The following MPRIP variants were observed in gnomAD, a reference collection of about 807,000 sequenced individuals.
The protein encoded by MPRIP is myosin phosphatase Rho interacting protein, also known as myosin phosphatase Rho-interacting protein.
A neutral mutation model predicts 234.9 loss-of-function variants in MPRIP; 59 were observed. The observed-to-expected ratio is 0.25, with a 90% CI of 0.20 to 0.31. The LOEUF is 0.31. Ranked by LOEUF, MPRIP falls within the 10% of genes least tolerant of loss-of-function variation. The pLI is 1.00. For synonymous variants in MPRIP, 1,144 were observed against 1,263.9 expected, an observed-to-expected ratio of 0.91 and a Z score of 2.01; for missense variants, 2,436 against 3,071.0, an observed-to-expected ratio of 0.79 and a Z score of 4.89.
At chr17:17,092,944 C>T (rs891051833) in intron 3 of MPRIP, among the ~76,000 whole-genome samples, 1 of 152,200 alleles carries the variant, frequency 6.6e-6, no homozygotes, top group Non-Finnish European at 1.5e-5. Flanking sequence ...ACTGTTTGTT[C>T]TGTCACTTAC....
Position 17,177,422 on chromosome 17 carries a change from CG to C in MPRIP, c.7120+13del. 1.2e-6 allele frequency: 2 copies of C among 1,610,844 alleles called. No individual in the cohort carries two copies. Among genetic ancestry groups the C allele is most frequent in the Non-Finnish European group, 1.7e-6 (2 of 1,177,954 alleles). ...ACGGTGTCCGGATATGGTGCGTCCT[CG>C]GGTCATGCCCTCTCGGTTATTGCTG... On this transcript the variant is annotated intron_variant, in intron 22 of 23. Transcript: ENST00000651222.
intron 20 of MPRIP, among the ~76,000 whole-genome samples, 155 bp downstream of exon 20, chr17:17,175,567 G>A (rs181552204): frequency 6.6e-6 from 1 of 152,226 alleles, no homozygotes; most frequent in Admixed American, 6.5e-5. Context: ...CCCGAAGGCG[G>A]CGAGGAGCAG....
rs1471994141 is a variant in MPRIP at position 17,190,987 on chromosome 17, C to G, written c.*6093C>G. 1.3e-5 allele frequency: 2 copies of G among 152,098 alleles called. No homozygotes were observed. The highest frequency in any genetic ancestry group is 4.1e-4 in the South Asian group (2 of 4,828). The allele number at this position is 152,098 out of a possible 1,614,324, so 9.4% of individuals were successfully genotyped here. A position where few individuals can be genotyped will look rare whatever the true frequency, so the allele number is the denominator to read the frequency against. On this transcript the variant is annotated 3_prime_UTR_variant, in exon 24 of 24. Coordinates refer to ENST00000651222, the MANE Select transcript of MPRIP (RefSeq NM_001364716.4). ...GGTTTTTAAAAAAATCTTAGACACCCCTTTTTAAGATGGGGAGAACAGGGT... is the reference window on the plus strand; with the variant it reads ...GGTTTTTAAAAAAATCTTAGACACCGCTTTTTAAGATGGGGAGAACAGGGT...
chr17:17,177,564 A>T, intron 22 of MPRIP, 152 bp downstream of exon 22: 1 of 824,682 alleles, frequency 1.2e-6, no homozygotes, highest in Non-Finnish European at 1.9e-6. Context: ...CCAGCTTCAC[A>T]CGGCTGCCCC....
intron 1 of MPRIP, among the ~76,000 whole-genome samples, chr17:17,052,483 C>T (rs935387109): frequency 8.5e-5 from 13 of 152,112 alleles, no homozygotes; most frequent in Non-Finnish European, 1.8e-4. Flanking sequence ...ATGGAGCCGC[C>T]GAGACCTGGA....
chr17:17,104,213 G>A (rs1439196215), intron 3 of MPRIP, among the ~76,000 whole-genome samples: 1 of 152,188 alleles, frequency 6.6e-6, no homozygotes, highest in Non-Finnish European at 1.5e-5. Flanking sequence ...GAGAGTCTGA[G>A]TCGTCCCACT....
intron 6 of MPRIP, 91 bp from the exon 7 acceptor site, chr17:17,137,814 AGGCCCCTGCTT>A (rs1288915615): frequency 7.0e-6 from 7 of 1,000,238 alleles, no homozygotes; most frequent in Admixed American, 2.9e-5. Context: ...GAGGTGGAGA[AGGCCCCTGCTT>A]GGATCCTACA....
In MPRIP at chr17:17,190,613, C is replaced by T. The variant is rs180881232; in HGVS notation, c.*5719C>T. 2 of 152,348 alleles carry T rather than the reference C, an allele frequency of 1.3e-5. No homozygotes were observed. The highest frequency in any genetic ancestry group is 2.9e-5 in the Non-Finnish European group (2 of 68,032). 9.4% of individuals were successfully genotyped at this position (152,348 alleles called of 1,614,324 possible). ...TTGCCCTTTTCAGAACTGTGAGCTT[C>T]AAGTATTCTTGCTTCTCTGTAAAGG... On this transcript the variant is annotated 3_prime_UTR_variant, in exon 24 of 24. Coordinates refer to ENST00000651222, the MANE Select transcript of MPRIP (RefSeq NM_001364716.4).
At position 17,082,496 on chromosome 17, in the gene MPRIP, T is replaced by C. The variant is rs2089487075; in HGVS notation, c.267+4420T>C. Among the ~76,000 whole-genome samples, 4 of 151,996 alleles carry C rather than the reference T, an allele frequency of 2.6e-5. No homozygotes were observed. The South Asian group carries it at 8.3e-4, about 32-fold the overall frequency. On this transcript the variant is annotated intron_variant, in intron 3 of 23. Coordinates refer to ENST00000651222, the MANE Select transcript of MPRIP (RefSeq NM_001364716.4). ...TTTTAGTAGAGATGGGGTTTCTTCATGCTGGACAGGCTGGTCTTGAACTCC... is the reference window on the plus strand; with the variant it reads ...TTTTAGTAGAGATGGGGTTTCTTCACGCTGGACAGGCTGGTCTTGAACTCC...
rs2088214502 is a variant in MPRIP at position 17,042,810 on chromosome 17, T to TGCGCCGCCGCCGCCGCCGCCG, written c.-38_-18dup. The TGCGCCGCCGCCGCCGCCGCCG allele has an allele frequency of 7.5e-7, 1 of 1,334,984 alleles. No individual in the cohort carries two copies. The highest frequency in any genetic ancestry group is 9.8e-7 in the Non-Finnish European group (1 of 1,020,868). 82.7% of individuals were successfully genotyped at this position (1,334,984 alleles called of 1,614,324 possible). ...CCGGGAGCGCCAGGCCGGCCAGGCC[T>TGCGCCGCCGCCGCCGCCGCCG]GCGCCGCCGCCGCCGCCGCCGTCGC... is the stretch of plus-strand genomic sequence containing the variant. On this transcript the variant is annotated 5_prime_UTR_variant, in exon 1 of 24. Transcript: ENST00000651222.
At chr17:17,175,753 G>A (rs570983191) in intron 20 of MPRIP, among the ~76,000 whole-genome samples, 6 of 152,352 alleles carry the variant, frequency 3.9e-5, no homozygotes, top group African/African-American at 1.4e-4. Flanking sequence ...GGTCAGGGAG[G>A]CTCGCTTTAT....
chr17:17,062,497 A>T (rs971214343), intron 1 of MPRIP, among the ~76,000 whole-genome samples: 5 of 152,156 alleles, frequency 3.3e-5, no homozygotes, highest in African/African-American at 1.2e-4. Flanking sequence ...CCCTTGGGAG[A>T]TGTGTGTGCT....
chr17:17,050,609 T>C (rs1477875099), intron 1 of MPRIP, among the ~76,000 whole-genome samples: 1 of 152,220 alleles, frequency 6.6e-6, no homozygotes, highest in East Asian at 1.9e-4. Context: ...TCTCTGGGAC[T>C]TGTTACTCCT....
At chr17:17,172,877 A>G (rs2046175061) in intron 18 of MPRIP, 62 bp downstream of exon 18, 2 of 1,432,772 alleles carry the variant, frequency 1.4e-6, no homozygotes, top group Admixed American at 3.6e-5. Flanking sequence ...TGACCAGGCC[A>G]CAGCTGGGCC....
chr17:17,059,607 C>T (rs1227701582), intron 1 of MPRIP, among the ~76,000 whole-genome samples: 2 of 152,242 alleles, frequency 1.3e-5, no homozygotes, highest in Admixed American at 6.5e-5. Context: ...GGGAAGTCTC[C>T]CACACTCCTC....
At chr17:17,128,849 C>T (rs2090543687) in intron 4 of MPRIP, among the ~76,000 whole-genome samples, 1 of 152,192 alleles carries the variant, frequency 6.6e-6, no homozygotes, top group South Asian at 2.1e-4. Context: ...TCGCTGACAG[C>T]CCCCTTCCTC....
chr17:17,087,336 A>T (rs1228645773), intron 3 of MPRIP, among the ~76,000 whole-genome samples: 1 of 152,134 alleles, frequency 6.6e-6, no homozygotes, highest in Non-Finnish European at 1.5e-5. Context: ...GGAAGGAAAG[A>T]GGGAGAGGGA....
At chr17:17,159,087 C>T (rs1286574267) in intron 14 of MPRIP, 85 bp downstream of exon 14, 1 of 1,398,096 alleles carries the variant, frequency 7.2e-7, no homozygotes, top group Non-Finnish European at 9.7e-7. Context: ...CTGAGGGGTT[C>T]ATCTAGACAG....
chr17:17,124,110 CAGAGAGGT>C (rs1286344028), intron 3 of MPRIP, among the ~76,000 whole-genome samples: 1 of 152,162 alleles, frequency 6.6e-6, no homozygotes, highest in African/African-American at 2.4e-5. Flanking sequence ...AACTGAGGCC[CAGAGAGGT>C]GGAGAGGTGG....
Sources: gnomAD v4.1 joint callset for allele counts (sites outside exome capture counted in the v4.1 genomes callset) on GRCh38, gnomAD v4.1.1 for gene constraint, MANE v1.5 for transcripts, NCBI Gene and HGNC (gene_info 2026-07-23, HGNC 2026-07-21) for gene names.